Variants in COL5A2 observed in about 807,000 individuals in gnomAD.
The protein encoded by COL5A2 is collagen type V alpha 2 chain, also known as collagen alpha-2(V) chain.
Under a neutral mutation model 208.2 loss-of-function variants are expected in COL5A2, and 23 were observed. The ratio of observed to expected loss-of-function variants is 0.11; its 90% CI spans 0.08 to 0.16. The LOEUF (loss-of-function observed/expected upper bound fraction) is 0.16. COL5A2 is among the 10% of genes least tolerant of loss of function. COL5A2 has a pLI of 1.00. For missense variants in COL5A2, 1,590 were observed against 1,956.4 expected (o/e 0.81, Z 3.53); for synonymous variants, 625 against 628.5 (o/e 0.99, Z 0.08).
At chr2:189,199,975 G>A (rs1689051065) in intron 1 of COL5A2, among the ~76,000 whole-genome samples, 1 of 152,186 alleles carries the variant, frequency 6.6e-6, no homozygotes, top group Non-Finnish European at 1.5e-5. Context: ...TTGAAAGGCA[G>A]AAAGAGAATG....
chr2:189,079,956 A>G (rs1261930294), intron 14 of COL5A2, 22 bp downstream of exon 14: 3 of 1,603,376 alleles, frequency 1.9e-6, no homozygotes, highest in South Asian at 1.1e-5. Context: ...GTGAGGTTAC[A>G]GTGAGATAAT....
the COL5A2 span, among the ~76,000 whole-genome samples, chr2:189,320,514 C>G: frequency 6.6e-6 from 1 of 152,076 alleles, no homozygotes; most frequent in Non-Finnish European, 1.5e-5. Flanking sequence ...AACTACGTGA[C>G]AAATGCACAA....
the COL5A2 span, among the ~76,000 whole-genome samples, chr2:189,325,790 C>G: frequency 1.3e-5 from 2 of 152,058 alleles, no homozygotes; most frequent in Non-Finnish European, 2.9e-5. Flanking sequence ...AGTCAAAAAA[C>G]ATTTACCATA....
chr2:189,217,483 T>A (rs1476272771), intron 1 of COL5A2, among the ~76,000 whole-genome samples: 1 of 152,190 alleles, frequency 6.6e-6, no homozygotes, highest in Non-Finnish European at 1.5e-5. Flanking sequence ...GGGAAACACT[T>A]ACTTTTGATT....
chr2:189,254,198 A>G, the COL5A2 span, among the ~76,000 whole-genome samples: 1 of 152,234 alleles, frequency 6.6e-6, no homozygotes, highest in Non-Finnish European at 1.5e-5. Flanking sequence ...AACCTTTCCA[A>G]AAAGTAAAAC....
chr2:189,283,167 T>C, the COL5A2 span, among the ~76,000 whole-genome samples: 1 of 150,884 alleles, frequency 6.6e-6, no homozygotes, highest in Non-Finnish European at 1.5e-5. Flanking sequence ...TGCTGTTGAC[T>C]TGTTTGAAAA....
At chr2:189,111,417 A>G (rs923823362) in intron 1 of COL5A2, among the ~76,000 whole-genome samples, 1 of 152,210 alleles carries the variant, frequency 6.6e-6, no homozygotes, top group Non-Finnish European at 1.5e-5. Flanking sequence ...ACTTAAATTC[A>G]AAACTTCCTT....
chr2:189,061,480 C>A (rs1410867974), intron 30 of COL5A2, 82 bp downstream of exon 30: 4 of 1,050,594 alleles, frequency 3.8e-6, no homozygotes, highest in Non-Finnish European at 4.4e-6. Context: ...AATTTCAAAT[C>A]TTCTGACCAT....
At chr2:189,212,758 G>T (rs968245681) in intron 1 of COL5A2, among the ~76,000 whole-genome samples, 3 of 151,652 alleles carry the variant, frequency 2.0e-5, no homozygotes, top group Non-Finnish European at 4.4e-5. Flanking sequence ...CAAAGGAAAG[G>T]CAAGACCAAG....
At chr2:189,397,295 CTG>C in the COL5A2 span, among the ~76,000 whole-genome samples, 2 of 152,134 alleles carry the variant, frequency 1.3e-5, no homozygotes, top group Non-Finnish European at 2.9e-5. Flanking sequence ...TTGTAAATAA[CTG>C]GTGCTGGATG....
the COL5A2 span, among the ~76,000 whole-genome samples, chr2:189,429,601 C>A: frequency 2.6e-5 from 4 of 152,318 alleles, no homozygotes; most frequent in African/African-American, 9.6e-5. Flanking sequence ...CTTGTAGCAA[C>A]TCCACAGGCT....
chr2:189,043,240 C>T lies in COL5A2; in HGVS notation c.3382G>A (p.Gly1128Ser), dbSNP rs1250788634. ...CGGTCTCCATGATCACCTTTGTCACCACGAGGTCCTTGGGGTCCCTAGAAA... is the reference window on the plus strand; with the variant it reads ...CGGTCTCCATGATCACCTTTGTCACTACGAGGTCCTTGGGGTCCCTAGAAA... ...RGLPGPQGPR[G>S]DKGDHGDRGD... The change falls in exon 48 of 54, where the codon GGT becomes AGT. Residue 1128 changes from glycine (G) to serine (S), a missense_variant. Transcript: ENST00000374866. 6.2e-7 allele frequency: 1 copy of T among 1,613,456 alleles called. No homozygotes were observed. Among genetic ancestry groups the T allele is most frequent in the East Asian group, 2.2e-5 (1 of 44,852 alleles).
chr2:189,089,437 T>C (rs1686735005), intron 7 of COL5A2, among the ~76,000 whole-genome samples: 1 of 152,174 alleles, frequency 6.6e-6, no homozygotes, highest in Non-Finnish European at 1.5e-5. Context: ...AAAGAATGTG[T>C]GTACTGTTTA....
rs1400284366 is a variant in COL5A2 at position 189,065,069 on chromosome 2, C to CA, written c.1564-13dup. ...TTGCCAGGAGCACCCTACAAATGAC[C>CA]AAAATGTGATTCTTAATTGTTGTTG... On this transcript the variant is annotated splice_polypyrimidine_tract_variant and intron_variant, in intron 23 of 53. Transcript: ENST00000374866. The CA allele has an allele frequency of 1.2e-6, 2 of 1,612,544 alleles. No homozygotes were observed. The highest frequency in any genetic ancestry group is 2.7e-5 in the African/African-American group (2 of 74,842).
At chr2:189,218,131 A>G (rs145410816) in intron 1 of COL5A2, among the ~76,000 whole-genome samples, 15 of 152,318 alleles carry the variant, frequency 9.8e-5, no homozygotes, top group Non-Finnish European at 2.1e-4. Flanking sequence ...GAGGTGTTTG[A>G]TGAGACTTTC....
At chr2:189,276,382 A>C in the COL5A2 span, among the ~76,000 whole-genome samples, 1 of 152,210 alleles carries the variant, frequency 6.6e-6, no homozygotes, top group African/African-American at 2.4e-5. Flanking sequence ...ACTGGATTAC[A>C]TGTCTGCTGA....
chr2:189,059,392 T>G (rs1685971349), intron 31 of COL5A2, among the ~76,000 whole-genome samples: 1 of 151,954 alleles, frequency 6.6e-6, no homozygotes, highest in Admixed American at 6.5e-5. Context: ...TGCAGTCATG[T>G]CTAAATTAAA....
intron 41 of COL5A2, 64 bp from the exon 42 acceptor site, chr2:189,051,545 A>G (rs1685789567): frequency 6.9e-7 from 1 of 1,458,544 alleles, no homozygotes; most frequent in Non-Finnish European, 9.2e-7. Context: ...AGTGATTGAC[A>G]TAACGCTGTC....
At chr2:189,091,839 T>TA (rs1358664862) in intron 7 of COL5A2, among the ~76,000 whole-genome samples, 3 of 152,110 alleles carry the variant, frequency 2.0e-5, no homozygotes, top group Non-Finnish European at 2.9e-5. Context: ...TTACTTCAAG[T>TA]AAAAAAACTA....
Sources: gnomAD v4.1 joint callset for allele counts (sites outside exome capture counted in the v4.1 genomes callset) on GRCh38, gnomAD v4.1.1 for gene constraint, MANE v1.5 for transcripts, NCBI Gene and HGNC (gene_info 2026-07-23, HGNC 2026-07-21) for gene names.